Variants in ACACB observed in about 807,000 individuals in gnomAD.
ACACB encodes acetyl-CoA carboxylase 2.
ACACB carries 209 observed loss-of-function variants against 278.8 expected under a neutral mutation model. The ratio of observed to expected loss-of-function variants is 0.75; its 90% CI spans 0.67 to 0.84. The LOEUF (loss-of-function observed/expected upper bound fraction) is 0.84. ACACB is among the 40% of genes least tolerant of loss of function. The pLI, the probability that ACACB is intolerant of heterozygous loss-of-function variation, is 0.00. For synonymous variants in ACACB, 1,174 were observed against 1,285.6 expected, an observed-to-expected ratio of 0.91 and a Z score of 1.86; for missense variants, 2,850 against 3,269.0, an observed-to-expected ratio of 0.87 and a Z score of 3.13.
At chr12:109,221,172 T>C (rs900150298) in intron 24 of ACACB, among the ~76,000 whole-genome samples, 9 of 152,176 alleles carry the variant, frequency 5.9e-5, no homozygotes, top group African/African-American at 2.2e-4. Context: ...TGTTCCTGTG[T>C]CTTTGTGTAT....
chr12:109,235,674 T>C, intron 33 of ACACB, 27 bp downstream of exon 33: 1 of 1,594,854 alleles, frequency 6.3e-7, no homozygotes, highest in East Asian at 2.2e-5. Context: ...TGATGTTTTC[T>C]CTTCTCTAGC....
chr12:109,166,451 G>C (rs890423310), intron 2 of ACACB, among the ~76,000 whole-genome samples: 3 of 151,366 alleles, frequency 2.0e-5, no homozygotes, highest in Non-Finnish European at 4.4e-5. Context: ...GCTTTGAAAG[G>C]CTTTGACGTC....
At chr12:109,115,001 A>G (rs1347238272), upstream of ACACB, among the ~76,000 whole-genome samples, 3 of 152,234 alleles carry the variant, frequency 2.0e-5, no homozygotes, top group Non-Finnish European at 4.4e-5. Flanking sequence ...AAGCCTTCCA[A>G]TTATATTCTG....
rs777855927 is a variant in ACACB at position 109,201,604 on chromosome 12, G to T, written c.2816G>T (p.Arg939Ile). ...ATCATGACCCTGAACGTTCAGGAAAGAGGCCGGGTGAAGTACATCAAGCGT... is the reference window on the plus strand; with the variant it reads ...ATCATGACCCTGAACGTTCAGGAAATAGGCCGGGTGAAGTACATCAAGCGT... ...KMIMTLNVQERGRVKYIKRPG... is the reference protein window; with the variant it reads ...KMIMTLNVQEIGRVKYIKRPG... The change falls in exon 19 of 53, where the codon AGA becomes ATA. Residue 939 changes from arginine (R) to isoleucine (I), a missense_variant. Coordinates refer to ENST00000338432, the MANE Select transcript of ACACB (RefSeq NM_001093.4). The T allele has an allele frequency of 1.2e-6, 2 of 1,614,072 alleles. No individual in the cohort carries two copies. The highest frequency in any genetic ancestry group is 1.7e-6 in the Non-Finnish European group (2 of 1,180,050).
chr12:109,128,303 C>A (rs1192222647), intron 1 of ACACB, among the ~76,000 whole-genome samples: 1 of 152,010 alleles, frequency 6.6e-6, no homozygotes, highest in Non-Finnish European at 1.5e-5. Context: ...TGCCTGCCAC[C>A]ACACCTGGCT....
intron 13 of ACACB, among the ~76,000 whole-genome samples, chr12:109,188,833 G>A (rs1397478278): frequency 6.6e-6 from 1 of 152,140 alleles, no homozygotes; most frequent in African/African-American, 2.4e-5. Context: ...AAGTGTAAAA[G>A]GTGCTAAGTA....
upstream of ACACB, among the ~76,000 whole-genome samples, chr12:109,115,846 TA>T (rs2042393550): frequency 6.6e-6 from 1 of 152,232 alleles, no homozygotes. Context: ...ACTTGCTGTT[TA>T]GTAAGGCCAT....
chr12:109,179,436 A>G (rs2044388644), intron 10 of ACACB, 139 bp downstream of exon 10: 2 of 838,238 alleles, frequency 2.4e-6, no homozygotes, highest in Non-Finnish European at 3.8e-6. Flanking sequence ...TCCAGAGGTG[A>G]TTTCAGCATC....
At chr12:109,208,651 C>G (rs990698620) in intron 20 of ACACB, among the ~76,000 whole-genome samples, 2 of 152,172 alleles carry the variant, frequency 1.3e-5, no homozygotes, top group African/African-American at 4.8e-5. Flanking sequence ...ACCCCGGAAA[C>G]AGCATAGGGC....
At chr12:109,111,882 G>T (rs1212445586), upstream of ACACB, among the ~76,000 whole-genome samples, 1 of 151,556 alleles carries the variant, frequency 6.6e-6, no homozygotes, top group Non-Finnish European at 1.5e-5. Context: ...TGTAGGGAAG[G>T]GTTTATCATT....
chr12:109,193,764 A>C (rs758407851), intron 16 of ACACB, 35 bp downstream of exon 16: 1 of 1,547,828 alleles, frequency 6.5e-7, no homozygotes, highest in East Asian at 2.2e-5. Flanking sequence ...TGTCTCCAAC[A>C]CTCTGCAAGC....
chr12:109,228,651 T>C, intron 28 of ACACB, among the ~76,000 whole-genome samples: 1 of 140,564 alleles, frequency 7.1e-6, no homozygotes, highest in Admixed American at 7.2e-5. Flanking sequence ...AGAGCGAAAC[T>C]CTGTCTCAAA....
chr12:109,229,723 G>A (rs1003938275), intron 28 of ACACB, among the ~76,000 whole-genome samples: 2 of 152,006 alleles, frequency 1.3e-5, no homozygotes, highest in Non-Finnish European at 2.9e-5. Context: ...AGTAGAGATG[G>A]GGTTTCACTG....
At chr12:109,201,166 A>C (rs927385358) in intron 18 of ACACB, among the ~76,000 whole-genome samples, 1 of 152,280 alleles carries the variant, frequency 6.6e-6, no homozygotes, top group Non-Finnish European at 1.5e-5. Flanking sequence ...AGGGTTTTCT[A>C]AGTGCCTTTA....
At chr12:109,212,966 G>C (rs1399680964) in intron 22 of ACACB, 30 bp downstream of exon 22, 6 of 1,591,796 alleles carry the variant, frequency 3.8e-6, no homozygotes, top group Non-Finnish European at 5.2e-6. Context: ...GTAGGATGTG[G>C]TTGTCACCTG....
intron 19 of ACACB, among the ~76,000 whole-genome samples, chr12:109,203,174 T>C (rs1468428022): frequency 6.6e-6 from 1 of 152,222 alleles, no homozygotes; most frequent in Non-Finnish European, 1.5e-5. Context: ...ATCCATCTGA[T>C]AGCATGTGGC....
At chr12:109,230,879 A>G (rs925936346) in intron 28 of ACACB, among the ~76,000 whole-genome samples, 1 of 151,802 alleles carries the variant, frequency 6.6e-6, no homozygotes. Flanking sequence ...TCCTTTTTTG[A>G]CCCAGAGAGA....
intron 1 of ACACB, among the ~76,000 whole-genome samples, chr12:109,134,989 ATTTG>A (rs1474599276): frequency 6.6e-6 from 1 of 152,202 alleles, no homozygotes; most frequent in East Asian, 1.9e-4. Context: ...ACTGCTATGT[ATTTG>A]TTTGAGTCGT....
intron 21 of ACACB, among the ~76,000 whole-genome samples, chr12:109,211,692 C>T (rs11615824): frequency 0.14 from 21,006 of 152,028 alleles, 1,795 homozygotes; most frequent in East Asian, 0.28. Flanking sequence ...TTTAGAGTGA[C>T]GAAAATGCTT....
Sources: allele counts gnomAD v4.1 joint callset (sites outside exome capture counted in the v4.1 genomes callset), GRCh38; gene constraint gnomAD v4.1.1; transcripts MANE v1.5; gene names NCBI Gene and HGNC (gene_info 2026-07-23, HGNC 2026-07-21).